GALNT2: variants seen among roughly 807,000 people sequenced by gnomAD.
GALNT2 encodes the protein UDP-GalNAc:polypeptide N-acetylgalactosaminyltransferase 2.
A neutral mutation model predicts 81.4 loss-of-function variants in GALNT2; 31 were observed. The observed-to-expected ratio is 0.38, with a 90% CI of 0.29 to 0.51. The LOEUF (loss-of-function observed/expected upper bound fraction) is 0.51. Among genes scored for constraint, GALNT2 ranks in the 20% least tolerant of loss-of-function variants. GALNT2 has a pLI of 0.87. For synonymous variants in GALNT2, 303 were observed against 287.4 expected (o/e 1.05, Z -0.55); for missense variants, 629 against 765.7 (o/e 0.82, Z 2.11).
At chr1:230,171,751 T>C (rs1662800172) in intron 1 of GALNT2, among the ~76,000 whole-genome samples, 1 of 152,254 alleles carries the variant, frequency 6.6e-6, no homozygotes, top group Admixed American at 6.5e-5. Flanking sequence ...TCTAGTTTTA[T>C]GTATGTAAGC....
chr1:230,236,290 C>T (rs1308108876), intron 4 of GALNT2, 63 bp from the exon 5 acceptor site: 3 of 1,526,108 alleles, frequency 2.0e-6, no homozygotes, highest in Non-Finnish European at 2.7e-6. Flanking sequence ...GAATTTTCTA[C>T]CCCAGGCTAA....
chr1:230,118,789 C>T (rs908971572), intron 1 of GALNT2, among the ~76,000 whole-genome samples: 1 of 152,094 alleles, frequency 6.6e-6, no homozygotes. Flanking sequence ...TCCTCTGTGA[C>T]GCCCTTCCTC....
intron 3 of GALNT2, among the ~76,000 whole-genome samples, chr1:230,216,169 A>G (rs7555591): frequency 0.28 from 42,678 of 152,164 alleles, 6,015 homozygotes; most frequent in African/African-American, 0.32. Flanking sequence ...TCAACTATCC[A>G]TTTAAAACCC....
chr1:230,273,397 C>T lies in GALNT2; in HGVS notation c.1441-1048C>T, dbSNP rs563335426. ...CAGACGGAGGGGAGGGCCACTGCAG[C>T]GTGCTGGGGCTTAGAGAGGAAGGGG... On this transcript the variant is annotated intron_variant, in intron 14 of 15. Transcript: ENST00000366672. Among the ~76,000 whole-genome samples, 17 of 152,264 alleles carry T rather than the reference C, an allele frequency of 1.1e-4. No homozygotes were observed. The South Asian group carries it at 2.9e-3, about 26-fold the overall frequency.
intron 1 of GALNT2, among the ~76,000 whole-genome samples, chr1:230,107,610 T>TTGTGTG (rs3033608): frequency 0.044 from 6,262 of 141,124 alleles, 353 homozygotes; most frequent in African/African-American, 0.13. Flanking sequence ...CTCATGGACT[T>TTGTGTG]TGTGTGTGTG....
At position 230,179,506 on chromosome 1, in the gene GALNT2, G is replaced by C. The variant is rs564849437; in HGVS notation, c.220+1195G>C. On this transcript the variant is annotated intron_variant, in intron 2 of 15. Transcript: ENST00000366672. The stretch of plus-strand genomic sequence containing the variant: ...GATTTAGGCCACTCTAATAGGTGTG[G>C]AGTAGTATTTCACTTTTGTTTTTAT... Among the ~76,000 whole-genome samples, 8 of 152,322 alleles carry C rather than the reference G, an allele frequency of 5.3e-5. 1 individual carries two copies. The South Asian group carries it at 1.7e-3, about 32-fold the overall frequency.
At chr1:230,079,264 C>G (rs1659657477) in intron 1 of GALNT2, among the ~76,000 whole-genome samples, 1 of 152,196 alleles carries the variant, frequency 6.6e-6, no homozygotes, top group South Asian at 2.1e-4. Flanking sequence ...AGGTATAATT[C>G]CTGGTACTTC....
At chr1:230,209,823 CAAAA>C (rs11302394) in intron 3 of GALNT2, among the ~76,000 whole-genome samples, 2 of 135,050 alleles carry the variant, frequency 1.5e-5, no homozygotes, top group Non-Finnish European at 1.6e-5. Context: ...GACCTTGTCT[CAAAA>C]AAAAAAAAAA....
At chr1:230,058,221 C>A (rs1658962734) in intron 1 of GALNT2, 3 of 426,820 alleles carry the variant, frequency 7.0e-6, no homozygotes, top group African/African-American at 4.0e-5. Context: ...CACTCAGGGG[C>A]AGCCTGGGCT....
chr1:230,268,355 G>A (rs1275238459), intron 14 of GALNT2: 2 of 152,262 alleles, frequency 1.3e-5, no homozygotes, highest in African/African-American at 2.4e-5. Context: ...GTTCCGTACT[G>A]TCTGGGTGTT....
intron 2 of GALNT2, among the ~76,000 whole-genome samples, chr1:230,180,536 C>T (rs1276601468): frequency 1.3e-5 from 2 of 151,952 alleles, no homozygotes; most frequent in African/African-American, 4.8e-5. Context: ...GTCTTGAAGC[C>T]GAGTAGTGTT....
intron 1 of GALNT2, among the ~76,000 whole-genome samples, chr1:230,092,185 T>TGTTTTTTTTTGTTTTTTTTTTTTTG (rs371156205): frequency 1.7e-5 from 2 of 114,286 alleles, no homozygotes; most frequent in African/African-American, 6.5e-5. Context: ...AGTTTTTTTT[T>TGTTTTTTTTTGTTTTTTTTTTTTTG]TTTTTTTTTT....
chr1:230,234,117 G>A (rs1664951359), intron 3 of GALNT2, among the ~76,000 whole-genome samples: 1 of 152,190 alleles, frequency 6.6e-6, no homozygotes, highest in African/African-American at 2.4e-5. Flanking sequence ...TGGGGTCTTG[G>A]TGTGGGCTTT....
At chr1:230,260,446 G>T (rs951441388) in intron 11 of GALNT2, among the ~76,000 whole-genome samples, 1 of 152,130 alleles carries the variant, frequency 6.6e-6, no homozygotes, top group African/African-American at 2.4e-5. Context: ...GAGTTGCTTT[G>T]CGTTTAGGAA....
intron 1 of GALNT2, among the ~76,000 whole-genome samples, chr1:230,075,730 G>A (rs79708765): frequency 0.071 from 10,815 of 152,232 alleles, 482 homozygotes; most frequent in Admixed American, 0.12. Flanking sequence ...CAGTTACGTC[G>A]TGTGCAGAAA....
At chr1:230,235,105 T>TTGGAGC (rs539995546) in intron 3 of GALNT2, among the ~76,000 whole-genome samples, 4 of 150,906 alleles carry the variant, frequency 2.7e-5, no homozygotes, top group Non-Finnish European at 4.4e-5. Context: ...TCCCAGCTAC[T>TTGGAGC]TGGGAGGCTG....
At position 230,067,419 on chromosome 1, in the gene GALNT2, C is replaced by T. The variant is rs1349061964; in HGVS notation, c.126+13C>T. The T allele has an allele frequency of 8.8e-7, 1 of 1,139,092 alleles. No individual in the cohort carries two copies. The highest frequency in any genetic ancestry group is 1.1e-6 in the Non-Finnish European group (1 of 905,094). 70.6% of individuals were successfully genotyped at this position (1,139,092 alleles called of 1,614,324 possible). ...CGCCGGCAGGAAGGTGAGTGGAGCG[C>T]CCTGCCGCGGCCGGGCCCCTGCGCC... On this transcript the variant is annotated intron_variant, in intron 1 of 15. Coordinates refer to ENST00000366672, the MANE Select transcript of GALNT2 (RefSeq NM_004481.5).
rs570311189 is a variant in GALNT2 at position 230,243,424 on chromosome 1, G to A, written c.726G>A (p.Ala242=). The part of the protein sequence containing the change: ...HWLEPLLERV[A]EDRTRVVSPI... ...TGGAGCCCCTCCTGGAAAGGGTGGC[G>A]GAGGTGAGATGACGGGGGCTGGGAG... Residue 242 remains alanine, a synonymous_variant, in exon 7 of 16, where the codon GCG becomes GCA. Transcript: ENST00000366672. The surrounding 1 kb of genome is among the most constrained non-coding windows in gnomAD (Gnocchi z 4.2). 1.4e-4 allele frequency: 232 copies of A among 1,611,314 alleles called. 3 individuals carry two copies. The South Asian group carries it at 2.3e-3, about 16-fold the overall frequency.
intron 1 of GALNT2, among the ~76,000 whole-genome samples, chr1:230,100,968 G>T (rs1660385420): frequency 6.6e-6 from 1 of 152,130 alleles, no homozygotes; most frequent in Non-Finnish European, 1.5e-5. Context: ...TATTTTTACT[G>T]TATCTTTTCT....
Sources: allele counts gnomAD v4.1 joint callset (sites outside exome capture counted in the v4.1 genomes callset), GRCh38; gene constraint gnomAD v4.1.1; non-coding constraint Gnocchi (gnomAD v3.1); transcripts MANE v1.5; gene names NCBI Gene and HGNC (gene_info 2026-07-23, HGNC 2026-07-21).